CRACD: variants seen among roughly 807,000 people sequenced by gnomAD.
CRACD encodes the protein capping protein-inhibiting regulator of actin dynamics.
Under a neutral mutation model 106.8 loss-of-function variants are expected in CRACD, and 56 were observed. That is an observed-to-expected ratio of 0.52 (90% CI 0.42 to 0.66). The LOEUF (loss-of-function observed/expected upper bound fraction) is 0.66. Ranked by LOEUF, CRACD falls within the 30% of genes least tolerant of loss-of-function variation. CRACD has a pLI of 0.00. For missense variants in CRACD, 1,730 were observed against 1,623.2 expected (o/e 1.07, Z -1.13); for synonymous variants, 754 against 670.8 (o/e 1.12, Z -1.92).
chr4:56,157,036 ACC>A lies in CRACD; in HGVS notation c.-335-22247_-335-22246del, dbSNP rs1421691441. On this transcript the variant is annotated intron_variant, in intron 1 of 10. Coordinates refer to ENST00000682029, the MANE Select transcript of CRACD (RefSeq NM_001393381.1). ...TCAAATAAACTAGTAAATATGATAA[ACC>A]TTGTGGAGAAAAAAATTAAAAAGAC... 6.9e-3 allele frequency among the ~76,000 whole-genome samples: 1,044 copies of A among 152,298 alleles called. 13 individuals carry two copies. Among genetic ancestry groups the A allele is most frequent in the African/African-American group, 0.024 (1,001 of 41,560 alleles).
At chr4:56,120,374 A>G (rs1734442869) in intron 1 of CRACD, among the ~76,000 whole-genome samples, 1 of 152,208 alleles carries the variant, frequency 6.6e-6, no homozygotes, top group South Asian at 2.1e-4. Flanking sequence ...CAGAACAAAG[A>G]TTTATTAATG....
intron 2 of CRACD, among the ~76,000 whole-genome samples, chr4:56,225,220 G>T (rs1385243515): frequency 6.6e-6 from 1 of 152,120 alleles, no homozygotes; most frequent in African/African-American, 2.4e-5. Context: ...GCCTCCCGGA[G>T]TAGCTGGGAT....
Position 56,315,511 on chromosome 4 carries a change from C to T in CRACD, c.2009C>T (p.Ser670Phe), listed in dbSNP as rs1560537417. Residue 670 changes from serine to phenylalanine, a missense_variant, in exon 8 of 11, where the codon TCC (serine) becomes TTC (phenylalanine). Physicochemically the swap from Ser to Phe is radical, Grantham distance 155 (BLOSUM62 -2). Transcript: ENST00000682029. This position sits in a 1 kb window ranked among gnomAD's most constrained non-coding sequence, Gnocchi z 4.1. ...GCGTCCGCACTCGCAGAATGGGCTT[C>T]CATTCGGTCCAGAATCCTGAAGAAC... ...SSASALAEWA[S>F]IRSRILKNAE... 2 of 1,613,882 alleles carry T rather than the reference C, an allele frequency of 1.2e-6. No individual in the cohort carries two copies. The highest frequency in any genetic ancestry group is 1.7e-6 in the Non-Finnish European group (2 of 1,180,014).
intron 2 of CRACD, among the ~76,000 whole-genome samples, chr4:56,263,474 C>A (rs1741823314): frequency 6.6e-6 from 1 of 152,084 alleles, no homozygotes; most frequent in Non-Finnish European, 1.5e-5. Flanking sequence ...AGCAATGATT[C>A]CTTCTGAGGC....
At chr4:56,164,661 A>G (rs1736076274) in intron 1 of CRACD, among the ~76,000 whole-genome samples, 1 of 152,094 alleles carries the variant, frequency 6.6e-6, no homozygotes, top group South Asian at 2.1e-4. Context: ...GGGACGGAGG[A>G]TGGGATCGAC....
intron 1 of CRACD, among the ~76,000 whole-genome samples, chr4:56,116,520 G>A (rs140943951): frequency 6.6e-6 from 1 of 152,270 alleles, no homozygotes; most frequent in East Asian, 1.9e-4. Flanking sequence ...CTTCATAGTA[G>A]ATTTCTTAAA....
At chr4:56,172,614 C>T (rs895921901) in intron 1 of CRACD, among the ~76,000 whole-genome samples, 9 of 152,058 alleles carry the variant, frequency 5.9e-5, no homozygotes, top group South Asian at 2.1e-4. Flanking sequence ...AGGCATGTGC[C>T]ACCACGCCCA....
intron 2 of CRACD, among the ~76,000 whole-genome samples, chr4:56,191,933 G>A (rs181869626): frequency 1.3e-5 from 2 of 152,214 alleles, no homozygotes; most frequent in Non-Finnish European, 2.9e-5. Flanking sequence ...CAGATGTAGA[G>A]CTCTTGTTTT....
At chr4:56,261,974 G>C (rs1010926828) in intron 2 of CRACD, among the ~76,000 whole-genome samples, 13 of 152,138 alleles carry the variant, frequency 8.5e-5, no homozygotes, top group African/African-American at 2.9e-4. Flanking sequence ...CAGGGATTAT[G>C]GGGAAATGGG....
At chr4:56,202,099 T>A (rs1156407033) in intron 2 of CRACD, among the ~76,000 whole-genome samples, 2 of 152,250 alleles carry the variant, frequency 1.3e-5, no homozygotes, top group Non-Finnish European at 2.9e-5. Context: ...GAAATTACAA[T>A]TTTCCTTTTA....
At chr4:56,243,460 A>G (rs1039576940) in intron 2 of CRACD, among the ~76,000 whole-genome samples, 5 of 152,226 alleles carry the variant, frequency 3.3e-5, no homozygotes, top group African/African-American at 1.2e-4. Context: ...TGTTTGAGTC[A>G]CTGTATTTTG....
rs940841514 is a variant in CRACD at position 56,153,611 on chromosome 4, A to G, written c.-335-25673A>G. On this transcript the variant is annotated intron_variant, in intron 1 of 10. Transcript: ENST00000682029. ...CCATGCACTTTTATCCATGAAAATC[A>G]GAGCATGTCACGTCCTTGCTTAAAA... 2.6e-5 allele frequency among the ~76,000 whole-genome samples: 4 copies of G among 152,248 alleles called. No individual in the cohort carries two copies. The East Asian group carries it at 7.7e-4, about 29-fold the overall frequency.
rs574243447 is a variant in CRACD at position 56,222,457 on chromosome 4, G to T, written c.-189+43027G>T. Among the ~76,000 whole-genome samples the T allele has an allele frequency of 6.6e-5, 10 of 152,260 alleles. No individual in the cohort carries two copies. The South Asian group carries it at 2.1e-3, about 32-fold the overall frequency. On this transcript the variant is annotated intron_variant, in intron 2 of 10. Transcript: ENST00000682029. ...GGTACGGTGTATGCTACTTGGGTAA[G>T]AGGTGCACTGAAATCTCAGAATTCA...
intron 1 of CRACD, among the ~76,000 whole-genome samples, chr4:56,064,764 A>G (rs918404575): frequency 6.6e-6 from 1 of 152,084 alleles, no homozygotes; most frequent in African/African-American, 2.4e-5. Flanking sequence ...CTCTACCTTA[A>G]CTTTTAAATT....
chr4:56,183,368 G>A (rs73155176), intron 2 of CRACD, among the ~76,000 whole-genome samples: 119 of 152,246 alleles, frequency 7.8e-4, no homozygotes, highest in African/African-American at 2.2e-3. Flanking sequence ...ACGTGCAGCC[G>A]TCTAGCCATT....
At chr4:56,056,094 T>G (rs543115891) in intron 1 of CRACD, among the ~76,000 whole-genome samples, 4 of 152,362 alleles carry the variant, frequency 2.6e-5, no homozygotes, top group African/African-American at 7.2e-5. Flanking sequence ...TTGAGATGTC[T>G]CATTCATTCA....
intron 1 of CRACD, among the ~76,000 whole-genome samples, chr4:56,151,663 G>A (rs777367382): frequency 1.3e-5 from 2 of 151,756 alleles, no homozygotes; most frequent in Non-Finnish European, 2.9e-5. Context: ...CCTTTCTAAC[G>A]AAAAGATTCA....
In CRACD at chr4:56,222,896, A is replaced by C. The variant is rs1739121432; in HGVS notation, c.-189+43466A>C. ...AGGCTGAGGCAGGAGAATCACTTGA[A>C]CTTGGGAGGCTGAGGTTGCAGTGGG... On this transcript the variant is annotated intron_variant, in intron 2 of 10. Coordinates refer to ENST00000682029, the MANE Select transcript of CRACD (RefSeq NM_001393381.1). 3.3e-5 allele frequency among the ~76,000 whole-genome samples: 5 copies of C among 152,216 alleles called. No individual in the cohort carries two copies. The South Asian group carries it at 1.0e-3, about 32-fold the overall frequency.
chr4:56,117,524 G>C (rs1734335402), intron 1 of CRACD, among the ~76,000 whole-genome samples: 1 of 151,872 alleles, frequency 6.6e-6, no homozygotes, highest in South Asian at 2.1e-4. Flanking sequence ...GGAGGGGGTG[G>C]GGGGAGGAAA....
Sources: gnomAD v4.1 joint callset for allele counts (sites outside exome capture counted in the v4.1 genomes callset) on GRCh38, gnomAD v4.1.1 for gene constraint, Gnocchi (gnomAD v3.1) non-coding constraint, MANE v1.5 for transcripts, NCBI Gene and HGNC (gene_info 2026-07-23, HGNC 2026-07-21) for gene names.